The following CELF4 variants were observed in gnomAD, a reference collection of about 807,000 sequenced individuals.
CELF4 encodes CUG-BP- and ETR-3-like factor 4.
CELF4 carries 18 observed loss-of-function variants against 59.9 expected under a neutral mutation model. The ratio of observed to expected loss-of-function variants is 0.30; its 90% CI spans 0.21 to 0.45. The LOEUF is 0.45. Among genes scored for constraint, CELF4 ranks in the 20% least tolerant of loss-of-function variants. The pLI is 1.00. For synonymous variants in CELF4, 261 were observed against 267.1 expected (o/e 0.98, Z 0.22); for missense variants, 456 against 689.0 (o/e 0.66, Z 3.79).
rs767988257 is a variant in CELF4, at chr18:37,253,784, TC to T, written c.*26del. The T allele has an allele frequency of 6.3e-7, 1 of 1,579,018 alleles. No homozygotes were observed. Among genetic ancestry groups the T allele is most frequent in the South Asian group, 1.1e-5 (1 of 87,790 alleles). On this transcript the variant is annotated 3_prime_UTR_variant, in exon 12 of 13. Coordinates refer to ENST00000420428, the MANE Select transcript of CELF4 (RefSeq NM_020180.4). This position sits in a 1 kb window ranked among gnomAD's most constrained non-coding sequence, Gnocchi z 4.5. ...CCGGTTACCTGTGCGAGTCCTGGTC[TC>T]CCCCGGGGGACGCTCCCGCCGGCGC...
intron 3 of CELF4, among the ~76,000 whole-genome samples, chr18:37,319,288 C>A (rs1201844575): frequency 2.0e-5 from 3 of 152,238 alleles, no homozygotes; most frequent in Admixed American, 6.5e-5. Flanking sequence ...GCAGGCAGCA[C>A]AAACCACATG....
intron 1 of CELF4, 91 bp downstream of exon 1, chr18:37,565,265 T>C: frequency 7.1e-7 from 1 of 1,406,406 alleles, no homozygotes; most frequent in East Asian, 2.4e-5. Flanking sequence ...TCCTCTCGCT[T>C]AGTCCGCCGC....
At chr18:37,545,857 C>T (rs1216004287) in intron 1 of CELF4, among the ~76,000 whole-genome samples, 1 of 152,176 alleles carries the variant, frequency 6.6e-6, no homozygotes, top group Admixed American at 6.5e-5. Context: ...TCCGGTCTCC[C>T]AGGGAATCTG....
intron 3 of CELF4, among the ~76,000 whole-genome samples, chr18:37,304,211 GGAAGCATCGCCCACACA>G (rs1234887846): frequency 2.6e-5 from 4 of 152,196 alleles, no homozygotes; most frequent in African/African-American, 9.7e-5. Context: ...ATTCTTTGCC[GGAAGCATCGCCCACACA>G]GATGCTTCAC....
chr18:37,362,663 C>G (rs1419467445), intron 2 of CELF4, among the ~76,000 whole-genome samples: 6 of 78,614 alleles, frequency 7.6e-5, no homozygotes, highest in Non-Finnish European at 1.2e-4. Flanking sequence ...GCCACTGGGG[C>G]ACCCGCTGGC....
chr18:37,409,580 C>T (rs916088996), intron 2 of CELF4, among the ~76,000 whole-genome samples: 8 of 152,084 alleles, frequency 5.3e-5, no homozygotes, highest in Admixed American at 3.3e-4. Flanking sequence ...ACCCTGTTGT[C>T]GAGGTCCAGA....
chr18:37,258,441 G>A (rs1339439262), intron 11 of CELF4, among the ~76,000 whole-genome samples: 3 of 151,972 alleles, frequency 2.0e-5, no homozygotes, highest in Non-Finnish European at 4.4e-5. Context: ...CTTCCTTGTC[G>A]TTTCATTATT....
chr18:37,424,234 T>A (rs1377094147), intron 2 of CELF4, among the ~76,000 whole-genome samples: 2 of 152,182 alleles, frequency 1.3e-5, no homozygotes, highest in African/African-American at 2.4e-5. Context: ...CCAAGAGGGC[T>A]TATCTAACAT....
At chr18:37,511,826 C>T (rs2099944680) in intron 1 of CELF4, among the ~76,000 whole-genome samples, 1 of 152,000 alleles carries the variant, frequency 6.6e-6, no homozygotes, top group Admixed American at 6.6e-5. Flanking sequence ...TTTATAAATA[C>T]TTTGACAAAT....
intron 1 of CELF4, among the ~76,000 whole-genome samples, chr18:37,503,568 C>T (rs1046898244): frequency 6.6e-5 from 10 of 152,198 alleles, no homozygotes; most frequent in Admixed American, 5.2e-4. Context: ...AGTCACCTCC[C>T]CAGAATGCTT....
chr18:37,522,995 C>T (rs1459053652), intron 1 of CELF4, among the ~76,000 whole-genome samples: 1 of 152,148 alleles, frequency 6.6e-6, no homozygotes, highest in East Asian at 1.9e-4. Context: ...TTTGTCATGC[C>T]TCCTTGCATT....
chr18:37,468,155 G>C (rs536716914), intron 2 of CELF4, among the ~76,000 whole-genome samples: 15 of 152,336 alleles, frequency 9.8e-5, no homozygotes, highest in Non-Finnish European at 1.8e-4. Context: ...TCAGTACTAA[G>C]TGACTCGGGC....
chr18:37,498,896 T>C (rs1539850), intron 1 of CELF4, among the ~76,000 whole-genome samples: 129,916 of 152,118 alleles, frequency 0.85, 56,485 homozygotes, highest in East Asian at 0.96. Context: ...GACACTCACC[T>C]GCTGGGGTCC....
At chr18:37,268,137 C>G (rs574440682) in intron 8 of CELF4, among the ~76,000 whole-genome samples, 1 of 152,274 alleles carries the variant, frequency 6.6e-6, no homozygotes, top group African/African-American at 2.4e-5. Flanking sequence ...CTATAGCCCC[C>G]AGGAGCAGGA....
At chr18:37,447,701 C>G (rs2099752071) in intron 2 of CELF4, among the ~76,000 whole-genome samples, 2 of 152,228 alleles carry the variant, frequency 1.3e-5, no homozygotes, top group African/African-American at 2.4e-5. Flanking sequence ...GCACCCTCTA[C>G]CCATCTGGGG....
intron 11 of CELF4, among the ~76,000 whole-genome samples, chr18:37,258,510 G>A (rs998528061): frequency 3.3e-5 from 5 of 152,156 alleles, no homozygotes; most frequent in African/African-American, 1.2e-4. Context: ...CAGCGCTTAG[G>A]CTTCCTGAGG....
intron 2 of CELF4, among the ~76,000 whole-genome samples, chr18:37,376,884 A>G (rs1021361606): frequency 2.0e-5 from 3 of 152,136 alleles, no homozygotes; most frequent in Non-Finnish European, 2.9e-5. Context: ...AAAGCAGAGC[A>G]GAGGAGAGCC....
intron 2 of CELF4, among the ~76,000 whole-genome samples, chr18:37,355,669 T>C (rs1256659100): frequency 2.3e-3 from 1 of 440 alleles, no homozygotes; most frequent in Admixed American, 0.036. Context: ...TGAGACTCCA[T>C]CCCCACCCAC....
At chr18:37,338,601 C>A (rs538146803) in intron 2 of CELF4, among the ~76,000 whole-genome samples, 59 of 152,272 alleles carry the variant, frequency 3.9e-4, no homozygotes, top group African/African-American at 1.3e-3. Flanking sequence ...CATGGCAGGC[C>A]CCTACAATCT....
Sources: gnomAD v4.1 joint callset for allele counts (sites outside exome capture counted in the v4.1 genomes callset) on GRCh38, gnomAD v4.1.1 for gene constraint, Gnocchi (gnomAD v3.1) non-coding constraint, MANE v1.5 for transcripts, NCBI Gene and HGNC (gene_info 2026-07-23, HGNC 2026-07-21) for gene names.